CDYL: variants seen among roughly 807,000 people sequenced by gnomAD.
The protein encoded by CDYL is chromodomain Y like.
In CDYL, 8 loss-of-function variants were observed where a neutral mutation model predicts 47.3. The observed-to-expected ratio is 0.17, with a 90% confidence interval of 0.10 to 0.31. The LOEUF is 0.31. CDYL is among the 10% of genes least tolerant of loss of function. The probability of loss-of-function intolerance (pLI) is 1.00; values close to 1 mark genes in which losing one functional copy is unlikely to be tolerated. For synonymous variants in CDYL, 266 were observed against 265.0 expected (o/e 1.00, Z -0.04); for missense variants, 471 against 701.4 (o/e 0.67, Z 3.71).
intron 2 of CDYL, among the ~76,000 whole-genome samples, chr6:4,927,446 T>TGTGTGTGTGTGC (rs1428525771): frequency 2.6e-5 from 4 of 151,880 alleles, no homozygotes; most frequent in African/African-American, 9.7e-5. Context: ...TGTGTGTGTG[T>TGTGTGTGTGTGC]GTGTGTGTGT....
At chr6:4,929,134 C>T (rs1392877127) in intron 2 of CDYL, among the ~76,000 whole-genome samples, 1 of 152,174 alleles carries the variant, frequency 6.6e-6, no homozygotes, top group Admixed American at 6.5e-5. Context: ...CCTGCTGGTA[C>T]AAACTCTCTC....
chr6:4,761,417 C>T (rs956050340), intron 3 of CDYL, among the ~76,000 whole-genome samples: 5 of 152,292 alleles, frequency 3.3e-5, no homozygotes, highest in Admixed American at 2.0e-4. Context: ...AATCTCGGCT[C>T]GCTGCAAACT....
chr6:4,861,874 G>A (rs777188803), intron 1 of CDYL, among the ~76,000 whole-genome samples: 2 of 152,144 alleles, frequency 1.3e-5, no homozygotes, highest in African/African-American at 2.4e-5. Context: ...GTTATGATGC[G>A]CATGGATCTG....
At chr6:4,855,620 A>G (rs1760983312) in intron 1 of CDYL, among the ~76,000 whole-genome samples, 1 of 152,180 alleles carries the variant, frequency 6.6e-6, no homozygotes, top group Non-Finnish European at 1.5e-5. Flanking sequence ...ATTCATCTGA[A>G]AGTTATTTGT....
At chr6:4,866,953 T>G (rs1289461100) in intron 1 of CDYL, among the ~76,000 whole-genome samples, 1 of 152,084 alleles carries the variant, frequency 6.6e-6, no homozygotes, top group Non-Finnish European at 1.5e-5. Context: ...TCCTCTAGTT[T>G]GGTTTTATTT....
Position 4,891,895 on chromosome 6 carries a change from C to G in CDYL, c.207C>G (p.Thr69=), listed in dbSNP as rs116726726. Residue 69 remains threonine (T), a synonymous_variant, in exon 2 of 7, where the codon ACC becomes ACG. Transcript: ENST00000397588. ...AGAAGCAGAAGGAGAGCACATTGAC[C>G]AGAACAAACAGGACCTCTCCCAACA... ...HTEKQKESTL[T]RTNRTSPNNA... is the part of the protein sequence containing the mutation. The G allele has an allele frequency of 4.8e-3, 7,824 of 1,614,086 alleles. 21 individuals are homozygous for G. The highest frequency in any genetic ancestry group is 5.9e-3 in the Non-Finnish European group (6,949 of 1,180,014).
At chr6:4,803,587 A>C (rs988418662) in intron 1 of CDYL, among the ~76,000 whole-genome samples, 1 of 152,014 alleles carries the variant, frequency 6.6e-6, no homozygotes, top group Non-Finnish European at 1.5e-5. Flanking sequence ...TTGCCCTTTC[A>C]CTTGAGAGTG....
intron 2 of CDYL, among the ~76,000 whole-genome samples, chr6:4,917,904 G>C (rs917849823): frequency 3.9e-5 from 6 of 152,208 alleles, no homozygotes; most frequent in African/African-American, 7.2e-5. Context: ...GAACGTCTTA[G>C]CTTAGAACAC....
chr6:4,711,133 T>G (rs567247111), intron 1 of CDYL, among the ~76,000 whole-genome samples: 246 of 152,192 alleles, frequency 1.6e-3, no homozygotes, highest in African/African-American at 5.6e-3. Flanking sequence ...TGCACTTGTC[T>G]CTCTAAGATC....
At chr6:4,769,889 A>C (rs1008212744) in intron 3 of CDYL, among the ~76,000 whole-genome samples, 1 of 151,868 alleles carries the variant, frequency 6.6e-6, no homozygotes, top group African/African-American at 2.4e-5. Context: ...CTCCGCCTCC[A>C]GGGTTCACGC....
rs146626716 is a variant in CDYL, at chr6:4,718,210, A to T, written c.103+2329A>T. Among the ~76,000 whole-genome samples, 349 of 152,096 alleles carry T rather than the reference A, an allele frequency of 2.3e-3. 4 individuals are homozygous for T. Among genetic ancestry groups the T allele is most frequent in the Non-Finnish European group, 4.2e-3 (286 of 67,998 alleles). ...TGTATTATGCCATAGACCAGGAAAT[A>T]ATTTATTATTTCATTTTTTCTCATT... On this transcript the variant is annotated intron_variant, in intron 2 of 8. Transcript: ENST00000328908.
chr6:4,930,605 G>C (rs1429900255), intron 2 of CDYL, among the ~76,000 whole-genome samples: 1 of 152,258 alleles, frequency 6.6e-6, no homozygotes, highest in Non-Finnish European at 1.5e-5. Context: ...CTAGCTATCA[G>C]TGGCAGGTGA....
intron 1 of CDYL, among the ~76,000 whole-genome samples, chr6:4,870,401 A>C (rs1345496393): frequency 1.3e-5 from 2 of 152,182 alleles, no homozygotes; most frequent in East Asian, 3.8e-4. Flanking sequence ...TTCCTGTATA[A>C]ATTATGAATT....
At chr6:4,801,795 T>G (rs1759233641) in intron 1 of CDYL, among the ~76,000 whole-genome samples, 1 of 152,216 alleles carries the variant, frequency 6.6e-6, no homozygotes, top group African/African-American at 2.4e-5. Flanking sequence ...CGCCCTAGCT[T>G]GAGCATAGTT....
rs375476436 is a variant in CDYL, at chr6:4,953,864, A to G, written c.1477-34A>G. On this transcript the variant is annotated intron_variant, in intron 6 of 6. Transcript: ENST00000397588. ...AGGGGACCCGTGTCTGCCCGCATGC[A>G]CCCTGCTAACTGGCTGCTTGTTTTC... is the stretch of plus-strand genomic sequence containing the variant. The G allele has an allele frequency of 6.9e-6, 11 of 1,600,708 alleles. No individual in the cohort carries two copies. In the African/African-American group the frequency reaches 1.1e-4, roughly 16 times the overall value.
At chr6:4,746,148 G>A (rs926241073) in intron 3 of CDYL, among the ~76,000 whole-genome samples, 13 of 151,920 alleles carry the variant, frequency 8.6e-5, no homozygotes, top group African/African-American at 1.9e-4. Context: ...GGTGGATCGC[G>A]AGGTCAGGAG....
At chr6:4,819,117 T>C (rs1306496138) in intron 1 of CDYL, among the ~76,000 whole-genome samples, 1 of 15,386 alleles carries the variant, frequency 6.5e-5, no homozygotes, top group Non-Finnish European at 1.8e-4. Flanking sequence ...TTAGGTTCGT[T>C]CTCTCTCTCT....
At chr6:4,860,079 T>G (rs1761120517) in intron 1 of CDYL, among the ~76,000 whole-genome samples, 1 of 151,844 alleles carries the variant, frequency 6.6e-6, no homozygotes, top group Non-Finnish European at 1.5e-5. Context: ...TTTTTTGTAT[T>G]TTTAGTAGAG....
At chr6:4,783,560 GC>G (rs1758675736) in intron 1 of CDYL, among the ~76,000 whole-genome samples, 1 of 151,980 alleles carries the variant, frequency 6.6e-6, no homozygotes, top group Non-Finnish European at 1.5e-5. Context: ...GGGATTATGG[GC>G]ATGCACCACC....
Sources: allele counts gnomAD v4.1 joint callset (sites outside exome capture counted in the v4.1 genomes callset), GRCh38; gene constraint gnomAD v4.1.1; transcripts MANE v1.5; gene names NCBI Gene and HGNC (gene_info 2026-07-23, HGNC 2026-07-21).